The following KDM5A variants were observed in gnomAD, a reference collection of about 807,000 sequenced individuals.
KDM5A encodes the protein lysine demethylase 5A, also known as lysine-specific demethylase 5A.
KDM5A carries 42 observed loss-of-function variants against 193.5 expected under a neutral mutation model. The ratio of observed to expected loss-of-function variants is 0.22; its 90% confidence interval spans 0.17 to 0.28. The LOEUF (loss-of-function observed/expected upper bound fraction) is 0.28. KDM5A is among the 10% of genes least tolerant of loss of function. The pLI is 1.00. For synonymous variants in KDM5A, 796 were observed against 718.1 expected (o/e 1.11, Z -1.73); for missense variants, 1,692 against 2,055.1 (o/e 0.82, Z 3.42).
intron 4 of KDM5A, among the ~76,000 whole-genome samples, chr12:363,790 A>G (rs1446160869): frequency 1.1e-4 from 16 of 152,202 alleles, no homozygotes; most frequent in Admixed American, 9.2e-4. Flanking sequence ...GGTTCTTCAA[A>G]AAGTGACCAG....
At position 388,961 on chromosome 12, in the gene KDM5A, T is replaced by A; in HGVS notation, c.131A>T (p.Glu44Val). 6.2e-7 allele frequency: 1 copy of A among 1,614,192 alleles called. No individual in the cohort carries two copies. The highest frequency in any genetic ancestry group is 8.5e-7 in the Non-Finnish European group (1 of 1,180,044). The change falls in exon 1 of 28, where the codon GAG becomes GTG. Residue 44 changes from glutamate (E) to valine (V), a missense_variant. Transcript: ENST00000399788. Reference protein sequence around the residue: ...SFIGRIRPLAEKTGICKIRPP... With the variant: ...SFIGRIRPLAVKTGICKIRPP... ...CCGAATTTTGCAGATGCCGGTTTTCTCCGCCAAAGGCCGGATGCGGCCGAT... is the reference window on the plus strand; with the variant it reads ...CCGAATTTTGCAGATGCCGGTTTTCACCGCCAAAGGCCGGATGCGGCCGAT...
chr12:351,233 C>T (rs148376046), intron 9 of KDM5A, among the ~76,000 whole-genome samples: 2,460 of 152,186 alleles, frequency 0.016, 25 homozygotes, highest in Non-Finnish European at 0.023. Context: ...GGACAGGCCC[C>T]GGTGTGTGAT....
At chr12:301,095 A>C (rs772300867) in intron 24 of KDM5A, among the ~76,000 whole-genome samples, 4 of 152,222 alleles carry the variant, frequency 2.6e-5, no homozygotes, top group Non-Finnish European at 5.9e-5. Flanking sequence ...ATTCTACCAG[A>C]GGTACAAAGA....
intron 10 of KDM5A, among the ~76,000 whole-genome samples, chr12:335,495 T>C (rs748626412): frequency 1.3e-5 from 2 of 152,172 alleles, no homozygotes; most frequent in African/African-American, 4.8e-5. Context: ...GAAGCAGATA[T>C]GAGAATCTGC....
intron 25 of KDM5A, among the ~76,000 whole-genome samples, chr12:296,755 G>A (rs1387260597): frequency 6.6e-6 from 1 of 152,176 alleles, no homozygotes; most frequent in Non-Finnish European, 1.5e-5. Flanking sequence ...GAGGGTGAAG[G>A]ACTACCTATC....
In KDM5A at chr12:331,136, A is replaced by G. The variant is rs927985148; in HGVS notation, c.1773+683T>C. 4.6e-5 allele frequency among the ~76,000 whole-genome samples: 7 copies of G among 152,120 alleles called. No individual in the cohort carries two copies. The East Asian group carries it at 1.2e-3, about 25-fold the overall frequency. On this transcript the variant is annotated intron_variant, in intron 13 of 27. Coordinates refer to ENST00000399788, the MANE Select transcript of KDM5A (RefSeq NM_001042603.3). ...GACTAGTAAAATCACCTAGTTGTCT[A>G]TCAGAAAAAAAAAATTAAGGAATTT...
At chr12:324,223 T>G (rs1943756418) in intron 14 of KDM5A, among the ~76,000 whole-genome samples, 1 of 151,994 alleles carries the variant, frequency 6.6e-6, no homozygotes, top group Admixed American at 6.6e-5. Flanking sequence ...GGAAGATCAT[T>G]TGAGGCCAGG....
chr12:300,763 A>T (rs1008238791), intron 24 of KDM5A, among the ~76,000 whole-genome samples: 6 of 152,184 alleles, frequency 3.9e-5, no homozygotes, highest in African/African-American at 1.4e-4. Context: ...GAAAAGATCA[A>T]CAAAATAGAT....
Position 284,264 on chromosome 12 carries a change from TAATC to T in KDM5A, c.*1188_*1191del, listed in dbSNP as rs1350687287. ...TATATGTATATTAAAAAAGGAAAAA[TAATC>T]TATGTATAGAACAGTCAGTAGTCAG... On this transcript the variant is annotated 3_prime_UTR_variant, in exon 28 of 28. Coordinates refer to ENST00000399788, the MANE Select transcript of KDM5A (RefSeq NM_001042603.3). 4.4e-5 allele frequency: 10 copies of T among 226,554 alleles called. No individual in the cohort carries two copies. The highest frequency in any genetic ancestry group is 7.9e-5 in the Non-Finnish European group (9 of 114,350). 14.0% of individuals were successfully genotyped at this position (226,554 alleles called of 1,614,324 possible). A position where few individuals can be genotyped will look rare whatever the true frequency, so the allele number is the denominator to read the frequency against.
intron 3 of KDM5A, among the ~76,000 whole-genome samples, chr12:373,584 TTCTGC>T (rs1944461438): frequency 6.6e-6 from 1 of 152,216 alleles, no homozygotes; most frequent in South Asian, 2.1e-4. Flanking sequence ...TCTCCTTCAG[TTCTGC>T]TCTGATTTTA....
chr12:293,305 G>T, intron 26 of KDM5A, 136 bp from the exon 27 acceptor site: 1 of 715,960 alleles, frequency 1.4e-6, no homozygotes. Context: ...AGGCTGAAGG[G>T]AAGAAGAAAT....
chr12:365,036 G>A (rs1316102482), intron 4 of KDM5A, among the ~76,000 whole-genome samples: 1 of 151,990 alleles, frequency 6.6e-6, no homozygotes, highest in African/African-American at 2.4e-5. Flanking sequence ...ATAAAGTACT[G>A]ACACATGCTA....
intron 10 of KDM5A, among the ~76,000 whole-genome samples, chr12:337,513 A>T (rs1028887655): frequency 5.9e-5 from 9 of 152,212 alleles, no homozygotes; most frequent in Admixed American, 2.6e-4. Flanking sequence ...AGGAAATAAC[A>T]TTAGAAAAAA....
chr12:352,806 CACTT>C (rs778813032), intron 8 of KDM5A, among the ~76,000 whole-genome samples: 69 of 152,330 alleles, frequency 4.5e-4, no homozygotes, highest in Non-Finnish European at 4.0e-4. Flanking sequence ...CACAAATACT[CACTT>C]AGAGTAGAAC....
At chr12:338,817 C>T (rs1314395958) in intron 10 of KDM5A, among the ~76,000 whole-genome samples, 1 of 152,052 alleles carries the variant, frequency 6.6e-6, no homozygotes, top group Non-Finnish European at 1.5e-5. Flanking sequence ...AAAATCTTTC[C>T]AACATTTCAA....
intron 13 of KDM5A, 151 bp downstream of exon 13, chr12:331,668 T>C: frequency 1.3e-6 from 1 of 754,406 alleles, no homozygotes; most frequent in African/African-American, 1.7e-5. Context: ...GAAATCTACT[T>C]AGCTTTCTAA....
intron 8 of KDM5A, 32 bp from the exon 9 acceptor site, chr12:352,356 C>A (rs767055407): frequency 1.2e-6 from 2 of 1,602,568 alleles, no homozygotes; most frequent in Non-Finnish European, 1.7e-6. Context: ...GATTAACTTA[C>A]TGAAACTAAA....
At chr12:317,726 C>T (rs552605180) in intron 19 of KDM5A, among the ~76,000 whole-genome samples, 2 of 152,202 alleles carry the variant, frequency 1.3e-5, no homozygotes, top group African/African-American at 4.8e-5. Flanking sequence ...AGCAACGCTA[C>T]CCCATGCGTG....
chr12:383,188 A>G (rs994334098), intron 3 of KDM5A, among the ~76,000 whole-genome samples: 1 of 149,880 alleles, frequency 6.7e-6, no homozygotes, highest in Non-Finnish European at 1.5e-5. Flanking sequence ...ATGCTGAGAA[A>G]CATGAGTTTC....
Sources: gnomAD v4.1 joint callset for allele counts (sites outside exome capture counted in the v4.1 genomes callset) on GRCh38, gnomAD v4.1.1 for gene constraint, MANE v1.5 for transcripts, NCBI Gene and HGNC (gene_info 2026-07-23, HGNC 2026-07-21) for gene names.